The following MTMR12 variants were observed in gnomAD, a reference collection of about 807,000 sequenced individuals.
The protein encoded by MTMR12 is myotubularin related protein 12, also known as myotubularin-related protein 12.
In MTMR12, 33 loss-of-function variants were observed where a neutral mutation model predicts 96.7. That is an observed-to-expected ratio of 0.34 (90% CI 0.26 to 0.46). The LOEUF (loss-of-function observed/expected upper bound fraction) is 0.46, where lower values mean the gene tolerates loss of function less well. MTMR12 is among the 20% of genes least tolerant of loss of function. The pLI is 1.00. For missense variants in MTMR12, 721 were observed against 896.1 expected (o/e 0.80, Z 2.49); for synonymous variants, 298 against 327.2 (o/e 0.91, Z 0.96).
chr5:32,233,670 G>A lies in MTMR12; in HGVS notation c.1674+103C>T, dbSNP rs1018939746. 8.7e-6 allele frequency: 13 copies of A among 1,496,520 alleles called. 1 individual carries two copies. The highest frequency in any genetic ancestry group is 4.5e-5 in the East Asian group (2 of 44,230). 92.7% of individuals were successfully genotyped at this position (1,496,520 alleles called of 1,614,324 possible). On this transcript the variant is annotated intron_variant, in intron 15 of 15. Coordinates refer to ENST00000382142, the MANE Select transcript of MTMR12 (RefSeq NM_001040446.3). The surrounding 1 kb of genome is among the most constrained non-coding windows in gnomAD (Gnocchi z 5.0). ...AAGTCTCAACTCTGCAGACTGCTTC[G>A]AGGGGTAGAAAATGCTGGCAGACAG...
At chr5:32,239,971 G>A (rs1421608523) in intron 12 of MTMR12, among the ~76,000 whole-genome samples, 1 of 152,174 alleles carries the variant, frequency 6.6e-6, no homozygotes, top group African/African-American at 2.4e-5. Flanking sequence ...TTTGTCTTAA[G>A]AGTTTTAAGA....
intron 7 of MTMR12, among the ~76,000 whole-genome samples, chr5:32,262,755 G>T (rs1042022266): frequency 6.6e-6 from 1 of 152,128 alleles, no homozygotes; most frequent in Admixed American, 6.5e-5. Flanking sequence ...CAATAAAAAA[G>T]AATGAGATTC....
At chr5:32,263,432 CTTT>C (rs1322346251) in intron 6 of MTMR12, among the ~76,000 whole-genome samples, 190 bp from the exon 7 acceptor site, 4 of 139,762 alleles carry the variant, frequency 2.9e-5, no homozygotes, top group Non-Finnish European at 3.1e-5. Context: ...GACTGAGTCT[CTTT>C]TTTTTTTTTT....
chr5:32,257,702 A>G (rs1302940113), intron 7 of MTMR12, among the ~76,000 whole-genome samples: 1 of 152,030 alleles, frequency 6.6e-6, no homozygotes, highest in Non-Finnish European at 1.5e-5. Context: ...TGTGAGGTGG[A>G]GCTTGCAGTG....
chr5:32,269,845 C>G (rs1331186319), intron 5 of MTMR12, among the ~76,000 whole-genome samples: 2 of 152,206 alleles, frequency 1.3e-5, no homozygotes, highest in Non-Finnish European at 2.9e-5. Context: ...ATCAATCTAT[C>G]ACGCTGTTTC....
chr5:32,249,137 C>T (rs945361997), intron 8 of MTMR12, among the ~76,000 whole-genome samples: 1 of 152,144 alleles, frequency 6.6e-6, no homozygotes, highest in African/African-American at 2.4e-5. Flanking sequence ...CAGCTGGTAA[C>T]CCAGATGATG....
intron 1 of MTMR12, among the ~76,000 whole-genome samples, chr5:32,305,863 A>G (rs1751338819): frequency 6.6e-6 from 1 of 151,562 alleles, no homozygotes; most frequent in Non-Finnish European, 1.5e-5. Flanking sequence ...AGATTGCGCC[A>G]TTGCACTCCA....
In MTMR12 at chr5:32,235,148, C is replaced by T. The variant is rs140664144; in HGVS notation, c.1345-19G>A. On this transcript the variant is annotated intron_variant, in intron 13 of 15. Transcript: ENST00000382142. ...CAGGAACCTGCATGAAAACAAGATA[C>T]GTTACTTGGTGGGCAGAGCCCAGAG... is the stretch of plus-strand genomic sequence containing the variant. 6.0e-5 allele frequency: 96 copies of T among 1,604,302 alleles called. No individual in the cohort carries two copies. Among genetic ancestry groups the T allele is most frequent in the South Asian group, 1.6e-4 (14 of 89,536 alleles).
intron 1 of MTMR12, among the ~76,000 whole-genome samples, chr5:32,283,825 T>C (rs771996661): frequency 2.6e-5 from 4 of 152,166 alleles, no homozygotes; most frequent in Non-Finnish European, 5.9e-5. Flanking sequence ...GAGAAGAACC[T>C]TGAGGCTCCT....
chr5:32,242,865 C>G (rs1447033185), intron 11 of MTMR12, among the ~76,000 whole-genome samples: 1 of 152,036 alleles, frequency 6.6e-6, no homozygotes, highest in Non-Finnish European at 1.5e-5. Flanking sequence ...GCCAAGGCTC[C>G]TTTCCGCAGT....
chr5:32,243,216 C>T (rs1341857452), intron 11 of MTMR12, among the ~76,000 whole-genome samples: 6 of 152,126 alleles, frequency 3.9e-5, no homozygotes, highest in Non-Finnish European at 8.8e-5. Flanking sequence ...CTGTTCTCAC[C>T]CTCAGTTTCC....
chr5:32,233,685 C>A lies in MTMR12; in HGVS notation c.1674+88G>T. 1.3e-6 allele frequency: 2 copies of A among 1,564,944 alleles called. No homozygotes were observed. Among genetic ancestry groups the A allele is most frequent in the Non-Finnish European group, 1.7e-6 (2 of 1,144,572 alleles). Reference sequence around the variant, plus strand: ...AGACTGCTTCGAGGGGTAGAAAATGCTGGCAGACAGAATCCGTAAGTACCT... The same window carrying A: ...AGACTGCTTCGAGGGGTAGAAAATGATGGCAGACAGAATCCGTAAGTACCT... On this transcript the variant is annotated intron_variant, in intron 15 of 15. Coordinates refer to ENST00000382142, the MANE Select transcript of MTMR12 (RefSeq NM_001040446.3). The surrounding 1 kb of genome is among the most constrained non-coding windows in gnomAD (Gnocchi z 5.0).
At chr5:32,263,584 C>A (rs552631178) in intron 6 of MTMR12, among the ~76,000 whole-genome samples, 1 of 152,140 alleles carries the variant, frequency 6.6e-6, no homozygotes, top group Non-Finnish European at 1.5e-5. Context: ...ACTACAGGAA[C>A]GCACCACCAC....
chr5:32,303,948 T>C (rs527612786), intron 1 of MTMR12, among the ~76,000 whole-genome samples: 3 of 151,306 alleles, frequency 2.0e-5, no homozygotes, highest in East Asian at 3.9e-4. Context: ...ACTTAACCTA[T>C]ATAATCTACC....
chr5:32,290,775 T>C (rs1267998945), intron 1 of MTMR12, among the ~76,000 whole-genome samples: 1 of 152,168 alleles, frequency 6.6e-6, no homozygotes, highest in Non-Finnish European at 1.5e-5. Flanking sequence ...CAGGCCCCCA[T>C]AGGTGAATCA....
intron 1 of MTMR12, among the ~76,000 whole-genome samples, chr5:32,277,589 C>T (rs1750105534): frequency 6.6e-6 from 1 of 152,162 alleles, no homozygotes; most frequent in Non-Finnish European, 1.5e-5. Flanking sequence ...ATCCCAGCTA[C>T]TTGGGAGGCT....
At chr5:32,296,998 G>A (rs1750955149) in intron 1 of MTMR12, among the ~76,000 whole-genome samples, 2 of 151,392 alleles carry the variant, frequency 1.3e-5, no homozygotes, top group Admixed American at 1.3e-4. Flanking sequence ...AGCTACTTGG[G>A]AGGCTGAGGC....
Position 32,239,059 on chromosome 5 carries a change from A to G in MTMR12, c.1286T>C (p.Met429Thr), listed in dbSNP as rs762986616. ...GCGATCCAAGAAACAGTGGCCACCC[A>G]TGACCCACTCCTTTTGGATGAGGCT... The part of the protein sequence containing the change: ...FQSLIQKEWV[M>T]GGHCFLDRCN... Residue 429 changes from methionine (M) to threonine (T), a missense_variant, in exon 13 of 16, where the codon ATG becomes ACG. Physicochemically the swap from Met to Thr is moderately conservative, Grantham distance 81. Transcript: ENST00000382142. The G allele has an allele frequency of 6.2e-7, 1 of 1,610,930 alleles. No homozygotes were observed. Among genetic ancestry groups the G allele is most frequent in the African/African-American group, 1.3e-5 (1 of 74,922 alleles).
At chr5:32,244,304 AAAAG>A (rs1396988462) in intron 10 of MTMR12, among the ~76,000 whole-genome samples, 2 of 151,952 alleles carry the variant, frequency 1.3e-5, no homozygotes, top group Non-Finnish European at 2.9e-5. Context: ...AAAAAAAAAA[AAAAG>A]GCCAGATGTG....
Sources: allele counts gnomAD v4.1 joint callset (sites outside exome capture counted in the v4.1 genomes callset), GRCh38; gene constraint gnomAD v4.1.1; non-coding constraint Gnocchi (gnomAD v3.1); transcripts MANE v1.5; gene names NCBI Gene and HGNC (gene_info 2026-07-23, HGNC 2026-07-21).